The following AVEN variants were observed in gnomAD, a reference collection of about 807,000 sequenced individuals.
AVEN encodes cell death regulator Aven.
In AVEN, 41 loss-of-function variants were observed where a neutral mutation model predicts 38.1. The observed-to-expected ratio is 1.08, with a 90% CI of 0.84 to 1.40. The LOEUF is 1.40. Among genes scored for constraint, AVEN ranks in the 40% most tolerant of loss-of-function variants. The pLI is 0.00. For missense variants in AVEN, 605 were observed against 438.8 expected (o/e 1.38, Z -3.38); for synonymous variants, 206 against 171.8 (o/e 1.20, Z -1.56).
At chr15:33,862,786 T>C (rs1888860264), downstream of AVEN, among the ~76,000 whole-genome samples, 1 of 152,114 alleles carries the variant, frequency 6.6e-6, no homozygotes, top group South Asian at 2.1e-4. Flanking sequence ...AATTTTTGTA[T>C]TTTTAGTAGA....
At chr15:34,075,019 A>G (rs1340703279) in exon 1 of AVEN, among the ~76,000 whole-genome samples, 2 of 151,974 alleles carry the variant, frequency 1.3e-5, no homozygotes, top group Non-Finnish European at 2.9e-5. Context: ...TCTACTAAAA[A>G]TACAAAAAGT....
intron 1 of AVEN, among the ~76,000 whole-genome samples, chr15:34,026,888 A>G (rs1898496794): frequency 6.6e-6 from 1 of 152,192 alleles, no homozygotes; most frequent in Non-Finnish European, 1.5e-5. Flanking sequence ...TCCAAAGACT[A>G]GAACTGTGGC....
chr15:33,909,395 A>G (rs1235725466), intron 2 of AVEN, among the ~76,000 whole-genome samples: 1 of 152,212 alleles, frequency 6.6e-6, no homozygotes, highest in Non-Finnish European at 1.5e-5. Context: ...GCAATTATAG[A>G]GTGATTTTAT....
At chr15:34,044,429 T>G (rs970005353) in intron 5 of AVEN, among the ~76,000 whole-genome samples, 10 of 152,242 alleles carry the variant, frequency 6.6e-5, no homozygotes, top group Admixed American at 3.9e-4. Context: ...AACAATACAC[T>G]ACCCTTAGGA....
chr15:34,018,146 C>G (rs192126914), intron 1 of AVEN: 1 of 152,320 alleles, frequency 6.6e-6, no homozygotes, highest in African/African-American at 2.4e-5. Flanking sequence ...CAAGCAGGTC[C>G]TTCAGGAGCT....
At chr15:34,068,407 A>G (rs1260946253) in intron 2 of AVEN, among the ~76,000 whole-genome samples, 1 of 151,980 alleles carries the variant, frequency 6.6e-6, no homozygotes, top group South Asian at 2.1e-4. Flanking sequence ...GGGTTTCACC[A>G]TGGTGCTCAA....
At chr15:33,869,636 C>G (rs1047990092) in intron 4 of AVEN, among the ~76,000 whole-genome samples, 1 of 152,104 alleles carries the variant, frequency 6.6e-6, no homozygotes, top group African/African-American at 2.4e-5. Flanking sequence ...CTACCCTGTC[C>G]CTAACTGTCC....
chr15:33,961,646 T>C (rs563350935), intron 2 of AVEN, among the ~76,000 whole-genome samples: 233 of 151,280 alleles, frequency 1.5e-3, no homozygotes, highest in African/African-American at 5.1e-3. Context: ...ACCCCGTCTC[T>C]ACTAAAAACA....
intron 2 of AVEN, among the ~76,000 whole-genome samples, chr15:33,987,692 C>G (rs1022948031): frequency 3.3e-4 from 51 of 152,356 alleles, no homozygotes; most frequent in African/African-American, 1.2e-3. Flanking sequence ...TTATCTCTCT[C>G]TTTCTCTCTT....
At chr15:34,065,185 A>G (rs1900478023) in intron 4 of AVEN, 1 of 153,704 alleles carries the variant, frequency 6.5e-6, no homozygotes, top group South Asian at 2.1e-4. Context: ...CCATTTATTT[A>G]TGCTCTGTTC....
intron 1 of AVEN, among the ~76,000 whole-genome samples, chr15:34,009,177 G>C (rs1376220734): frequency 6.6e-6 from 1 of 152,050 alleles, no homozygotes; most frequent in African/African-American, 2.4e-5. Flanking sequence ...TCTTTCAAAA[G>C]TGAGGGTGAA....
the AVEN span, chr15:33,853,167 A>G: frequency 8.5e-7 from 1 of 1,179,708 alleles, no homozygotes; most frequent in South Asian, 1.6e-5. Flanking sequence ...ACATACAAAC[A>G]TGAGTAAATG....
chr15:33,936,013 G>T (rs201699838), intron 2 of AVEN, among the ~76,000 whole-genome samples: 1 of 151,790 alleles, frequency 6.6e-6, no homozygotes, highest in Non-Finnish European at 1.5e-5. Flanking sequence ...AAAATGAATC[G>T]ATTTCAAGAT....
At chr15:33,940,185 C>T (rs480372) in intron 2 of AVEN, among the ~76,000 whole-genome samples, 84,495 of 152,082 alleles carry the variant, frequency 0.56, 26,652 homozygotes, top group East Asian at 0.75. Context: ...TAAGCTATGA[C>T]GCATTTTTTG....
At chr15:34,048,759 C>A (rs1289767537) in intron 5 of AVEN, among the ~76,000 whole-genome samples, 1 of 152,202 alleles carries the variant, frequency 6.6e-6, no homozygotes, top group Non-Finnish European at 1.5e-5. Flanking sequence ...TGACACCTCC[C>A]AAAAGGAGTC....
At chr15:33,918,794 G>A (rs1302218759) in intron 2 of AVEN, among the ~76,000 whole-genome samples, 1 of 151,956 alleles carries the variant, frequency 6.6e-6, no homozygotes, top group African/African-American at 2.4e-5. Context: ...TCTTCTAAAT[G>A]ATGTTGTCTT....
chr15:33,929,467 A>G (rs138162896), intron 2 of AVEN, among the ~76,000 whole-genome samples: 1 of 152,160 alleles, frequency 6.6e-6, no homozygotes, highest in South Asian at 2.1e-4. Flanking sequence ...AGAGTAAACC[A>G]CTTTGTAGGA....
intron 1 of AVEN, among the ~76,000 whole-genome samples, chr15:34,017,835 T>C (rs1303506397): frequency 1.3e-5 from 2 of 152,180 alleles, no homozygotes; most frequent in African/African-American, 4.8e-5. Context: ...AACTAAGTAA[T>C]GCACCACATA....
intron 2 of AVEN, among the ~76,000 whole-genome samples, chr15:33,906,464 T>C (rs946223076): frequency 3.3e-5 from 5 of 152,234 alleles, no homozygotes; most frequent in Admixed American, 2.6e-4. Flanking sequence ...CTTTTGGCAA[T>C]TGTGAATAAT....
Sources: gnomAD v4.1 joint callset for allele counts (sites outside exome capture counted in the v4.1 genomes callset) on GRCh38, gnomAD v4.1.1 for gene constraint, MANE v1.5 for transcripts, NCBI Gene and HGNC (gene_info 2026-07-23, HGNC 2026-07-21) for gene names.